MCF2L: variants seen among roughly 807,000 people sequenced by gnomAD.
The protein encoded by MCF2L is MCF.2 cell line derived transforming sequence like, also known as guanine nucleotide exchange factor DBS.
Under a neutral mutation model 153.4 loss-of-function variants are expected in MCF2L, and 97 were observed. That is an observed-to-expected ratio of 0.63 (90% CI 0.54 to 0.75). MCF2L has a LOEUF of 0.75. MCF2L is among the 30% of genes least tolerant of loss of function. The pLI is 0.00. For synonymous variants in MCF2L, 659 were observed against 632.2 expected (o/e 1.04, Z -0.64); for missense variants, 1,347 against 1,495.2 (o/e 0.90, Z 1.64).
At chr13:112,901,956 G>A (rs1406209557) in intron 1 of MCF2L, among the ~76,000 whole-genome samples, 3 of 152,204 alleles carry the variant, frequency 2.0e-5, no homozygotes, top group Non-Finnish European at 4.4e-5. Context: ...TTGATAATAT[G>A]TTTTGCTCCT....
rs1320019355 is a variant in MCF2L at position 113,074,791 on chromosome 13, T to C, written c.1117-207T>C. Among the ~76,000 whole-genome samples the C allele has an allele frequency of 6.6e-6, 1 of 151,104 alleles. No individual in the cohort carries two copies. The highest frequency in any genetic ancestry group is 1.5e-5 in the Non-Finnish European group (1 of 67,782). ...CTCTGGGTCAGGTCCCTGCAGACGG[T>C]CAATGCCTTTGCTGGGACCACCACA... On this transcript the variant is annotated intron_variant, in intron 10 of 29. Coordinates refer to ENST00000535094, the MANE Select transcript of MCF2L (RefSeq NM_001112732.3). This position sits in a 1 kb window ranked among gnomAD's most constrained non-coding sequence, Gnocchi z 4.2.
intron 2 of MCF2L, among the ~76,000 whole-genome samples, chr13:112,933,118 G>A (rs540213845): frequency 2.6e-5 from 4 of 152,348 alleles, no homozygotes; most frequent in African/African-American, 9.6e-5. Flanking sequence ...AGGAGCAGGA[G>A]TGCTGGGCCG....
chr13:113,081,245 G>C lies in MCF2L; in HGVS notation c.1841G>C (p.Arg614Pro), dbSNP rs1301137982. The change falls in exon 16 of 30, where the codon CGG becomes CCG. Residue 614 changes from arginine (R) to proline (P), a missense_variant. By Grantham distance (103) the Arg-to-Pro change is moderately radical. Transcript: ENST00000535094. ...HVMSELLDTE[R>P]AYVEELLCVL... ...ATGAGCGAGCTCCTGGACACAGAAC[G>C]GGCCTACGTGGAGGAGCTGCTGTGC... The C allele has an allele frequency of 5.0e-6, 8 of 1,592,636 alleles. No individual in the cohort carries two copies. The highest frequency in any genetic ancestry group is 6.8e-6 in the Non-Finnish European group (8 of 1,170,704).
intron 1 of MCF2L, chr13:113,010,131 C>G (rs1241574342): frequency 4.1e-5 from 6 of 147,766 alleles, no homozygotes; most frequent in Non-Finnish European, 7.5e-5. Flanking sequence ...CCCACCCGCA[C>G]CATGAGAGGA....
At chr13:113,010,874 C>T (rs2084049000) in intron 1 of MCF2L, among the ~76,000 whole-genome samples, 1 of 152,238 alleles carries the variant, frequency 6.6e-6, no homozygotes, top group Middle Eastern at 3.2e-3. Context: ...CCATGCTCGC[C>T]TGCCTGCATC....
At chr13:112,968,420 A>G (rs1209259430), upstream of MCF2L, 2 of 1,570,846 alleles carry the variant, frequency 1.3e-6, no homozygotes, top group Admixed American at 3.5e-5. Context: ...GGTGGCAGCC[A>G]GGACGCTGCG....
intron 15 of MCF2L, among the ~76,000 whole-genome samples, chr13:113,079,414 C>T (rs1286298874): frequency 3.3e-5 from 5 of 152,152 alleles, no homozygotes; most frequent in Admixed American, 1.3e-4. Flanking sequence ...ACCAGGCACC[C>T]GCCACTGGCT....
At position 113,086,563 on chromosome 13, in the gene MCF2L, G is replaced by A. The variant is rs556180571; in HGVS notation, c.2373+314G>A. On this transcript the variant is annotated intron_variant, in intron 21 of 29. Coordinates refer to ENST00000535094, the MANE Select transcript of MCF2L (RefSeq NM_001112732.3). ...TCCTCACTCCTTGTCTTCTCCTGGG[G>A]AGGAGGCGTGGCTCGGAGCAGACGT... 4.6e-5 allele frequency among the ~76,000 whole-genome samples: 7 copies of A among 152,330 alleles called. No homozygotes were observed. In the South Asian group the frequency reaches 1.5e-3, roughly 32 times the overall value.
In MCF2L at chr13:112,985,366, G is replaced by A. The variant is rs181670240; in HGVS notation, c.79+15908G>A. On this transcript the variant is annotated intron_variant, in intron 1 of 29. Transcript: ENST00000535094. ...GCCCAGGGCAGCGCGCGTCCTCCCCGGCAGCTGATCCTCGCCATGGGGGAC... is the reference window on the plus strand; with the variant it reads ...GCCCAGGGCAGCGCGCGTCCTCCCCAGCAGCTGATCCTCGCCATGGGGGAC... The A allele has an allele frequency of 6.2e-4, 293 of 470,172 alleles. 1 individual carries two copies. Among genetic ancestry groups the A allele is most frequent in the African/African-American group, 5.4e-3 (269 of 50,196 alleles). 29.1% of individuals were successfully genotyped at this position (470,172 alleles called of 1,614,324 possible). A position where few individuals can be genotyped will look rare whatever the true frequency, so the allele number is the denominator to read the frequency against.
At chr13:112,977,146 G>A (rs2082244451) in intron 1 of MCF2L, among the ~76,000 whole-genome samples, 2 of 152,180 alleles carry the variant, frequency 1.3e-5, no homozygotes, top group African/African-American at 4.8e-5. Flanking sequence ...ACGACTAATG[G>A]AGTGGCTAAT....
chr13:113,097,978 T>A lies in MCF2L; in HGVS notation c.*1119T>A, dbSNP rs1193466895. ...CAGCAGAACTGGAAAAAAACTCTTC[T>A]GTTTTACCAACTTCTTGTGTTTCAG... is the stretch of plus-strand genomic sequence containing the variant. On this transcript the variant is annotated 3_prime_UTR_variant, in exon 30 of 30. Coordinates refer to ENST00000535094, the MANE Select transcript of MCF2L (RefSeq NM_001112732.3). 2 of 152,274 alleles carry A rather than the reference T, an allele frequency of 1.3e-5. No homozygotes were observed. Among genetic ancestry groups the A allele is most frequent in the African/African-American group, 4.8e-5 (2 of 41,478 alleles). The allele number at this position is 152,274 out of a possible 1,614,324, so 9.4% of individuals were successfully genotyped here.
At chr13:112,985,933 A>AGCCCGGT (rs1307265135) in intron 1 of MCF2L, among the ~76,000 whole-genome samples, 1 of 152,198 alleles carries the variant, frequency 6.6e-6, no homozygotes, top group Non-Finnish European at 1.5e-5. Flanking sequence ...GGCACACCGA[A>AGCCCGGT]GCCCGGTTTA....
intron 1 of MCF2L, chr13:113,002,050 CG>C (rs1426707925): frequency 7.0e-7 from 1 of 1,419,154 alleles, no homozygotes; most frequent in Non-Finnish European, 9.2e-7. Flanking sequence ...GCGGGGACGC[CG>C]GGCGGGGGTG....
chr13:112,971,543 C>G (rs1286942688), intron 1 of MCF2L, among the ~76,000 whole-genome samples: 1 of 152,192 alleles, frequency 6.6e-6, no homozygotes, highest in Non-Finnish European at 1.5e-5. Flanking sequence ...TCACCCCCAA[C>G]CCACAGGCAT....
At chr13:112,935,599 C>A (rs375865469) in intron 2 of MCF2L, among the ~76,000 whole-genome samples, 5 of 152,158 alleles carry the variant, frequency 3.3e-5, no homozygotes, top group Non-Finnish European at 5.9e-5. Flanking sequence ...GATGATTTTG[C>A]CCAACCGTAG....
intron 2 of MCF2L, among the ~76,000 whole-genome samples, chr13:113,023,316 ACAAGGACT>A (rs1363332527): frequency 6.6e-6 from 1 of 152,210 alleles, no homozygotes; most frequent in Admixed American, 6.5e-5. Context: ...AGGGGTGCCG[ACAAGGACT>A]CGGGAGGAGG....
chr13:113,084,572 C>G (rs1385527513), intron 18 of MCF2L: 1 of 428,544 alleles, frequency 2.3e-6, no homozygotes, highest in African/African-American at 2.0e-5. Context: ...ATTATATAAA[C>G]AAATCAACAA....
At chr13:112,935,805 A>G (rs1244289424) in intron 2 of MCF2L, among the ~76,000 whole-genome samples, 1 of 152,342 alleles carries the variant, frequency 6.6e-6, no homozygotes, top group African/African-American at 2.4e-5. Context: ...GCCTAGGCCA[A>G]TATGACTAGT....
chr13:112,958,785 G>C (rs1375822413), intron 2 of MCF2L, among the ~76,000 whole-genome samples: 18 of 152,246 alleles, frequency 1.2e-4, no homozygotes, highest in Non-Finnish European at 4.4e-5. Flanking sequence ...ACGTGTGCCA[G>C]GCACCTCCTG....
Sources: gnomAD v4.1 joint callset for allele counts (sites outside exome capture counted in the v4.1 genomes callset) on GRCh38, gnomAD v4.1.1 for gene constraint, Gnocchi (gnomAD v3.1) non-coding constraint, MANE v1.5 for transcripts, NCBI Gene and HGNC (gene_info 2026-07-23, HGNC 2026-07-21) for gene names.